SLC38A11: variants seen among roughly 807,000 people sequenced by gnomAD.
SLC38A11 encodes putative sodium-coupled neutral amino acid transporter 11.
SLC38A11 carries 51 observed loss-of-function variants against 49.4 expected under a neutral mutation model. The ratio of observed to expected loss-of-function variants is 1.03; its 90% CI spans 0.83 to 1.30. SLC38A11 has a LOEUF of 1.30. Among genes scored for constraint, SLC38A11 ranks in the 50% most tolerant of loss-of-function variants. The pLI, the probability that SLC38A11 is intolerant of heterozygous loss-of-function variation, is 0.00. For synonymous variants in SLC38A11, 203 were observed against 192.9 expected, an observed-to-expected ratio of 1.05 and a Z score of -0.43; for missense variants, 574 against 556.2, an observed-to-expected ratio of 1.03 and a Z score of -0.32.
At position 164,895,991 on chromosome 2, in the gene SLC38A11, T is replaced by C. The variant is rs1684370860; in HGVS notation, c.*2446A>G. 6.6e-6 allele frequency among the ~76,000 whole-genome samples: 1 copy of C among 152,208 alleles called. No individual in the cohort carries two copies. Among genetic ancestry groups the C allele is most frequent in the Non-Finnish European group, 1.5e-5 (1 of 68,032 alleles). Reference sequence around the variant, plus strand: ...TAAAGTTAAGAAGTGCTTTATACATTTAAGTGTATTGACAGCTTCAAAAAC... The same window carrying C: ...TAAAGTTAAGAAGTGCTTTATACATCTAAGTGTATTGACAGCTTCAAAAAC... On this transcript the variant is annotated 3_prime_UTR_variant, in exon 12 of 12. Coordinates refer to ENST00000685975, the MANE Select transcript of SLC38A11 (RefSeq NM_001351537.2).
chr2:164,938,963 A>T (rs771244320), intron 6 of SLC38A11, among the ~76,000 whole-genome samples: 6 of 152,164 alleles, frequency 3.9e-5, no homozygotes, highest in Non-Finnish European at 8.8e-5. Context: ...AATCATAAAT[A>T]TTGGCAAAAT....
At chr2:164,924,638 CA>C (rs1473536897) in intron 7 of SLC38A11, among the ~76,000 whole-genome samples, 2 of 151,960 alleles carry the variant, frequency 1.3e-5, no homozygotes, top group Non-Finnish European at 2.9e-5. Flanking sequence ...ATAAACTCTT[CA>C]AAAATAAACT....
chr2:164,919,222 C>T lies in SLC38A11; in HGVS notation c.618-3249G>A, dbSNP rs76695176. ...GTGTGTGCCTATACACCCAACTACTCGAGAAGCTGTGATGGGAGAATCACT... is the reference window on the plus strand; with the variant it reads ...GTGTGTGCCTATACACCCAACTACTTGAGAAGCTGTGATGGGAGAATCACT... On this transcript the variant is annotated intron_variant, in intron 7 of 11. Transcript: ENST00000685975. Among the ~76,000 whole-genome samples the T allele has an allele frequency of 4.1e-3, 623 of 151,978 alleles. 1 individual carries two copies. The highest frequency in any genetic ancestry group is 0.013 in the African/African-American group (538 of 41,450).
In SLC38A11 at chr2:164,936,032, T is replaced by C. The variant is rs529653756; in HGVS notation, c.617+1318A>G. ...CTCTGACTTCCAGCCTCCAGAACTA[T>C]GAGAAAATACCTTTCTGTCATTTAA... On this transcript the variant is annotated intron_variant, in intron 7 of 11. Transcript: ENST00000685975. 1.5e-3 allele frequency among the ~76,000 whole-genome samples: 226 copies of C among 152,328 alleles called. 1 individual carries two copies. In the Middle Eastern group the frequency reaches 0.017, roughly 11 times the overall value.
chr2:164,915,972 G>T lies in SLC38A11; in HGVS notation c.619C>A (p.Pro207Thr). The change falls in exon 8 of 12, where the codon CCA becomes ACA. Residue 207 changes from proline to threonine, a missense_variant and splice_region_variant. Pro to Thr is a conservative substitution (Grantham distance 38, BLOSUM62 -1). Transcript: ENST00000685975. Reference sequence around the variant, plus strand: ...AATACCCAAGCGTCTTCTGTTTTTGGTCTAGAAGAAAAATCAGTTAACTTG... The same window carrying T: ...AATACCCAAGCGTCTTCTGTTTTTGTTCTAGAAGAAAAATCAGTTAACTTG... Reference protein sequence around the residue: ...ARAISLGPHIPKTEDAWVFAK... With the variant: ...ARAISLGPHITKTEDAWVFAK... 6.3e-7 allele frequency: 1 copy of T among 1,585,266 alleles called. No homozygotes were observed. Among genetic ancestry groups the T allele is most frequent in the Non-Finnish European group, 8.6e-7 (1 of 1,158,508 alleles).
At chr2:164,944,898 T>C (rs1688003295) in intron 4 of SLC38A11, among the ~76,000 whole-genome samples, 1 of 152,214 alleles carries the variant, frequency 6.6e-6, no homozygotes, top group South Asian at 2.1e-4. Context: ...TTGGTAGTTA[T>C]TAAAAATGCA....
intron 11 of SLC38A11, among the ~76,000 whole-genome samples, chr2:164,901,694 G>A (rs973379214): frequency 3.9e-5 from 6 of 151,972 alleles, no homozygotes; most frequent in East Asian, 3.9e-4. Flanking sequence ...TCATGTCATC[G>A]GCAAATAGAA....
rs200284770 is a variant in SLC38A11, at chr2:164,947,117, C to CTT, written c.230-1392_230-1391dup. 7.6e-3 allele frequency among the ~76,000 whole-genome samples: 554 copies of CTT among 72,736 alleles called. 8 individuals are homozygous for CTT. The highest frequency in any genetic ancestry group is 0.012 in the African/African-American group (151 of 12,936). The allele number at this position is 72,736 out of a possible 152,430, so 47.7% of individuals were successfully genotyped here. ...CCTGGATTCTTGGACTTTTTTATCT[C>CTT]TTTTTTTTTTTTTTTTTTTTTTTTT... On this transcript the variant is annotated intron_variant, in intron 3 of 11. Coordinates refer to ENST00000685975, the MANE Select transcript of SLC38A11 (RefSeq NM_001351537.2).
At chr2:164,933,045 G>C (rs1025487372) in intron 7 of SLC38A11, among the ~76,000 whole-genome samples, 1 of 151,880 alleles carries the variant, frequency 6.6e-6, no homozygotes, top group Non-Finnish European at 1.5e-5. Context: ...AATGTATAAG[G>C]GTTAAGGAAA....
intron 7 of SLC38A11, among the ~76,000 whole-genome samples, chr2:164,924,649 T>G (rs1686439342): frequency 6.6e-6 from 1 of 152,148 alleles, no homozygotes; most frequent in Non-Finnish European, 1.5e-5. Flanking sequence ...AAAAATAAAC[T>G]TATTAAAAAG....
rs747587465 is a variant in SLC38A11 at position 164,945,590 on chromosome 2, T to G, written c.364+3A>C. On this transcript the variant is annotated splice_donor_region_variant and intron_variant, in intron 4 of 11. Coordinates refer to ENST00000685975, the MANE Select transcript of SLC38A11 (RefSeq NM_001351537.2). ...GCAATATTTATCTTCACAGTCAACT[T>G]ACCTATAAAAGGATACAAAAACTGA... 1.3e-5 allele frequency: 20 copies of G among 1,586,014 alleles called. No individual in the cohort carries two copies. The highest frequency in any genetic ancestry group is 1.7e-5 in the Non-Finnish European group (20 of 1,173,210).
intron 11 of SLC38A11, among the ~76,000 whole-genome samples, chr2:164,899,539 C>T (rs762053503): frequency 2.0e-5 from 3 of 152,026 alleles, no homozygotes; most frequent in Non-Finnish European, 2.9e-5. Flanking sequence ...TAAATGTTAA[C>T]ATTTAATGCA....
At chr2:164,937,539 G>C (rs1393398296) in intron 6 of SLC38A11, 110 bp from the exon 7 acceptor site, 2 of 712,804 alleles carry the variant, frequency 2.8e-6, no homozygotes, top group Admixed American at 5.1e-5. Flanking sequence ...AGATTTTTTT[G>C]CCTAATTCTT....
In SLC38A11 at chr2:164,911,732, A is replaced by G. The variant is rs1685419341; in HGVS notation, c.867T>C (p.Asn289=). ...TTACCAGGTCATCATTTCTGCAGTA[A>G]TTTTCAAATAAGTCCCCTAGATAGT... ...TGFTQGDLFE[N]YCRNDDLVTF... is the part of the protein sequence containing the mutation. Residue 289 remains asparagine (N), a synonymous_variant, in exon 10 of 12, where the codon AAT becomes AAC. Transcript: ENST00000685975. 3 of 1,598,790 alleles carry G rather than the reference A, an allele frequency of 1.9e-6. No individual in the cohort carries two copies. Among genetic ancestry groups the G allele is most frequent in the Non-Finnish European group, 2.6e-6 (3 of 1,171,160 alleles).
chr2:164,917,006 G>A (rs1685843427), intron 7 of SLC38A11, among the ~76,000 whole-genome samples: 1 of 151,658 alleles, frequency 6.6e-6, no homozygotes, highest in African/African-American at 2.4e-5. Context: ...GATAAAATAT[G>A]TAAAACTTCT....
At chr2:164,945,254 G>GC (rs1688023527) in intron 4 of SLC38A11, among the ~76,000 whole-genome samples, 2 of 123,242 alleles carry the variant, frequency 1.6e-5, no homozygotes, top group African/African-American at 6.0e-5. Context: ...CAAATCCTTT[G>GC]CTTTTTTTTT....
Position 164,911,646 on chromosome 2 carries a change from A to G in SLC38A11, c.953T>C (p.Val318Ala), listed in dbSNP as rs1573900151. 1 of 1,588,340 alleles carries G rather than the reference A, an allele frequency of 6.3e-7. No individual in the cohort carries two copies. Among genetic ancestry groups the G allele is most frequent in the East Asian group, 2.3e-5 (1 of 44,242 alleles). ...VILTYPMECF[V>A]TREVIANVFF... is the part of the protein sequence containing the mutation. ...AGGAACCGCGCTTACCTCTCTTGTC[A>G]CAAAGCATTCCATAGGGTATGTCAA... The change falls in exon 10 of 12, where the codon GTG becomes GCG. Residue 318 changes from valine to alanine, a missense_variant. Transcript: ENST00000685975.
intron 7 of SLC38A11, among the ~76,000 whole-genome samples, chr2:164,920,916 G>A (rs1411954236): frequency 6.6e-6 from 1 of 152,000 alleles, no homozygotes; most frequent in African/African-American, 2.4e-5. Context: ...TAGATTATAT[G>A]TTTGAGCATC....
Position 164,955,260 on chromosome 2 carries a change from G to T in SLC38A11, c.-13C>A. On this transcript the variant is annotated 5_prime_UTR_variant, in exon 1 of 12. Transcript: ENST00000685975. ...TCTGGTAGCCCATGGCTGAGCGGTG[G>T]TCCTCAGCAGGTGGAAGATGCTGGG... 6.4e-7 allele frequency: 1 copy of T among 1,550,414 alleles called. No homozygotes were observed. The highest frequency in any genetic ancestry group is 8.7e-7 in the Non-Finnish European group (1 of 1,146,848).
Sources: allele counts gnomAD v4.1 joint callset (sites outside exome capture counted in the v4.1 genomes callset), GRCh38; gene constraint gnomAD v4.1.1; transcripts MANE v1.5; gene names NCBI Gene and HGNC (gene_info 2026-07-23, HGNC 2026-07-21).